Variants in CCDC192 observed in about 807,000 individuals in gnomAD.
CCDC192 encodes coiled-coil domain containing 192.
At chr5:127,877,089 A>G (rs901033307) in intron 6 of CCDC192, among the ~76,000 whole-genome samples, 4 of 152,230 alleles carry the variant, frequency 2.6e-5, no homozygotes, top group Non-Finnish European at 5.9e-5. Flanking sequence ...AAAGTTCCCC[A>G]GCTCGCTTAC....
rs1219307107 is a variant in CCDC192, at chr5:127,918,216, T to TAAAAAAAAAAAAAAAAAAAAAAA, written c.536-22947_536-22946insAAAAAAAAAAAAAAAAAAAAAAA. On this transcript the variant is annotated intron_variant, in intron 6 of 6. Transcript: ENST00000514853. ...AGGGTTGCCAGACACCTTCAATTTG[T>TAAAAAAAAAAAAAAAAAAAAAAA]AAAAAAAAAAAAAAAAAAAGTAGTA... is the stretch of plus-strand genomic sequence containing the variant. Among the ~76,000 whole-genome samples, 181 of 100,320 alleles carry TAAAAAAAAAAAAAAAAAAAAAAA rather than the reference T, an allele frequency of 1.8e-3. 5 individuals are homozygous for TAAAAAAAAAAAAAAAAAAAAAAA. The highest frequency in any genetic ancestry group is 7.8e-3 in the African/African-American group (173 of 22,088). The allele number at this position is 100,320 out of a possible 152,430, so 65.8% of individuals were successfully genotyped here.
chr5:127,881,099 C>G (rs547338629), intron 6 of CCDC192, among the ~76,000 whole-genome samples: 47 of 152,294 alleles, frequency 3.1e-4, no homozygotes, highest in African/African-American at 9.9e-4. Context: ...CCTTCATGAT[C>G]TAAGAAATAA....
chr5:127,866,763 A>G (rs1480959518), intron 5 of CCDC192, among the ~76,000 whole-genome samples: 1 of 152,146 alleles, frequency 6.6e-6, no homozygotes, highest in Admixed American at 6.5e-5. Flanking sequence ...ATTTCACATT[A>G]AACGTAGACA....
At chr5:127,715,184 C>A (rs1160621413) in intron 2 of CCDC192, among the ~76,000 whole-genome samples, 1 of 152,082 alleles carries the variant, frequency 6.6e-6, no homozygotes, top group Non-Finnish European at 1.5e-5. Flanking sequence ...AGGTCTTATT[C>A]AAAAAATCCT....
chr5:127,752,354 C>G (rs1323337731), intron 2 of CCDC192, among the ~76,000 whole-genome samples: 1 of 152,130 alleles, frequency 6.6e-6, no homozygotes, highest in Non-Finnish European at 1.5e-5. Context: ...AGCTGCAGGT[C>G]TGTTGGAGTA....
At chr5:127,843,593 A>G (rs967637770) in intron 5 of CCDC192, among the ~76,000 whole-genome samples, 7 of 152,028 alleles carry the variant, frequency 4.6e-5, no homozygotes, top group Admixed American at 2.0e-4. Flanking sequence ...ATGCACTACC[A>G]TGCCTGGCTA....
chr5:127,704,561 G>T (rs1750853057), intron 1 of CCDC192, among the ~76,000 whole-genome samples: 1 of 152,068 alleles, frequency 6.6e-6, no homozygotes, highest in South Asian at 2.1e-4. Flanking sequence ...TTTTCGTCTT[G>T]GGTCTATGGT....
intron 5 of CCDC192, among the ~76,000 whole-genome samples, chr5:127,812,176 A>G (rs551749735): frequency 1.3e-5 from 2 of 152,318 alleles, no homozygotes; most frequent in South Asian, 2.1e-4. Context: ...CTACAACACA[A>G]TCAATTTTAT....
In CCDC192 at chr5:127,879,019, G is replaced by A. The variant is rs1394334264; in HGVS notation, c.535+3358G>A. ...TTGGCTCTCTGTTTGTCTGTTGTTG[G>A]TGTATAAGAATGCTTGTGATTTTTG... On this transcript the variant is annotated intron_variant, in intron 6 of 6. Coordinates refer to ENST00000514853, the MANE Select transcript of CCDC192 (RefSeq NM_001317938.2). 1.1e-4 allele frequency among the ~76,000 whole-genome samples: 16 copies of A among 149,598 alleles called. No individual in the cohort carries two copies. In the Admixed American group the frequency reaches 1.1e-3, roughly 10 times the overall value.
intron 5 of CCDC192, among the ~76,000 whole-genome samples, chr5:127,800,386 A>C (rs1283072747): frequency 1.2e-4 from 16 of 138,138 alleles, no homozygotes; most frequent in Non-Finnish European, 2.3e-4. Flanking sequence ...GAAAAAAAAA[A>C]AAAAAAAAAA....
intron 6 of CCDC192, among the ~76,000 whole-genome samples, chr5:127,886,872 G>A (rs1752577769): frequency 6.6e-6 from 1 of 152,122 alleles, no homozygotes; most frequent in African/African-American, 2.4e-5. Flanking sequence ...GGAAATGAAA[G>A]GATGCAAAGA....
intron 5 of CCDC192, among the ~76,000 whole-genome samples, chr5:127,846,605 G>A (rs1750554032): frequency 6.6e-6 from 1 of 151,810 alleles, no homozygotes; most frequent in African/African-American, 2.4e-5. Context: ...GAGCAGCTGG[G>A]ATTACAGGCG....
chr5:127,740,183 C>G (rs1409731553), intron 2 of CCDC192: 12 of 152,206 alleles, frequency 7.9e-5, no homozygotes, highest in Non-Finnish European at 1.3e-4. Context: ...CAATGGTGTT[C>G]TCATTTTACA....
intron 2 of CCDC192, among the ~76,000 whole-genome samples, chr5:127,751,459 T>C (rs998505777): frequency 6.6e-6 from 1 of 152,204 alleles, no homozygotes; most frequent in Non-Finnish European, 1.5e-5. Context: ...CTCTTCTGGC[T>C]TGTAGGGTTT....
At chr5:127,708,872 C>A (rs1276204503) in intron 2 of CCDC192, among the ~76,000 whole-genome samples, 1 of 151,940 alleles carries the variant, frequency 6.6e-6, no homozygotes, top group African/African-American at 2.4e-5. Context: ...TCTGGCCTAC[C>A]AGTCCGTTGG....
At chr5:127,853,325 C>A (rs891484069) in intron 5 of CCDC192, among the ~76,000 whole-genome samples, 11 of 152,148 alleles carry the variant, frequency 7.2e-5, no homozygotes, top group African/African-American at 2.4e-4. Context: ...TGTTAAAATT[C>A]TTCCCTTTCT....
chr5:127,865,134 G>A (rs1047534125), intron 5 of CCDC192, among the ~76,000 whole-genome samples: 1 of 152,042 alleles, frequency 6.6e-6, no homozygotes, highest in Non-Finnish European at 1.5e-5. Flanking sequence ...GCGACAGAGC[G>A]AGATGCCGAC....
chr5:127,898,370 A>C (rs1752951544), intron 6 of CCDC192, among the ~76,000 whole-genome samples: 1 of 152,162 alleles, frequency 6.6e-6, no homozygotes, highest in African/African-American at 2.4e-5. Context: ...CAGCATCCGA[A>C]AGTGCTGGGA....
chr5:127,897,407 A>C (rs1014437722), intron 6 of CCDC192, among the ~76,000 whole-genome samples: 2 of 152,200 alleles, frequency 1.3e-5, no homozygotes, highest in African/African-American at 4.8e-5. Flanking sequence ...TAAAGGGAAA[A>C]GAAAGTTCAT....
Sources: gnomAD v4.1 joint callset for allele counts (sites outside exome capture counted in the v4.1 genomes callset) on GRCh38, gnomAD v4.1.1 for gene constraint, MANE v1.5 for transcripts, NCBI Gene and HGNC (gene_info 2026-07-23, HGNC 2026-07-21) for gene names.